Variants in CFAP90 observed in about 807,000 individuals in gnomAD.
CFAP90 encodes the protein cilia- and flagella-associated protein 90.
At chr5:7,835,512 G>C in the CFAP90 span, 16 of 1,418,144 alleles carry the variant, frequency 1.1e-5, no homozygotes, top group Middle Eastern at 3.6e-4. Flanking sequence ...GGAAAAAAAA[G>C]AGAAAGAAAG....
the CFAP90 span, among the ~76,000 whole-genome samples, chr5:7,845,098 C>T: frequency 6.6e-6 from 1 of 152,260 alleles, no homozygotes; most frequent in African/African-American, 2.4e-5. Context: ...CCTTCTTCAC[C>T]TGCTGGCAGG....
the CFAP90 span, among the ~76,000 whole-genome samples, chr5:7,836,224 A>G: frequency 6.6e-6 from 1 of 152,200 alleles, no homozygotes; most frequent in Non-Finnish European, 1.5e-5. Context: ...CTAAGGTTAT[A>G]TATGTGTGTA....
chr5:7,846,367 C>A, the CFAP90 span, among the ~76,000 whole-genome samples: 1 of 152,188 alleles, frequency 6.6e-6, no homozygotes, highest in Non-Finnish European at 1.5e-5. Context: ...GATTTATAAA[C>A]AACAGATGCT....
the CFAP90 span, among the ~76,000 whole-genome samples, chr5:7,850,398 C>T: frequency 6.6e-6 from 1 of 151,854 alleles, no homozygotes; most frequent in African/African-American, 2.4e-5. Flanking sequence ...TCTAGGGCCC[C>T]TCTACTCTGT....
the CFAP90 span, among the ~76,000 whole-genome samples, chr5:7,844,977 G>A: frequency 2.0e-5 from 3 of 152,162 alleles, no homozygotes; most frequent in Non-Finnish European, 4.4e-5. Flanking sequence ...GAACTGCCTA[G>A]GACTGGGTAA....
At chr5:7,846,705 T>C in the CFAP90 span, among the ~76,000 whole-genome samples, 1 of 152,216 alleles carries the variant, frequency 6.6e-6, no homozygotes. Context: ...GTACTGTTTT[T>C]ACTACTCAGC....
chr5:7,833,495 A>G, the CFAP90 span, among the ~76,000 whole-genome samples: 1 of 96,686 alleles, frequency 1.0e-5, no homozygotes, highest in African/African-American at 3.5e-5. Context: ...TATATAATAG[A>G]TACATACACA....
chr5:7,836,351 C>T, the CFAP90 span, among the ~76,000 whole-genome samples: 34 of 152,262 alleles, frequency 2.2e-4, no homozygotes, highest in African/African-American at 7.9e-4. Flanking sequence ...AGGAGTCATC[C>T]TTTAAGTCGC....
chr5:7,845,077 G>A, the CFAP90 span, among the ~76,000 whole-genome samples: 4 of 152,174 alleles, frequency 2.6e-5, no homozygotes, highest in Non-Finnish European at 5.9e-5. Flanking sequence ...AAAGCAAAGG[G>A]GAAGCAAAGA....
the CFAP90 span, among the ~76,000 whole-genome samples, chr5:7,848,937 A>G: frequency 4.6e-5 from 7 of 152,142 alleles, no homozygotes; most frequent in African/African-American, 1.7e-4. Flanking sequence ...TCTTTCCTTT[A>G]TAAATTACCG....
At chr5:7,836,143 A>G in the CFAP90 span, among the ~76,000 whole-genome samples, 1 of 152,178 alleles carries the variant, frequency 6.6e-6, no homozygotes, top group East Asian at 1.9e-4. Flanking sequence ...CAATACCACC[A>G]CATGGGGGTG....
chr5:7,835,208 T>C, the CFAP90 span, among the ~76,000 whole-genome samples: 1 of 152,208 alleles, frequency 6.6e-6, no homozygotes, highest in Non-Finnish European at 1.5e-5. Context: ...GCACACGCTG[T>C]TGGAAAAATG....
chr5:7,846,833 A>G, the CFAP90 span, among the ~76,000 whole-genome samples: 1 of 152,226 alleles, frequency 6.6e-6, no homozygotes, highest in African/African-American at 2.4e-5. Flanking sequence ...TGCAACTTCA[A>G]TCTCCTGGGC....
chr5:7,831,231 G>C, the CFAP90 span: 2 of 152,244 alleles, frequency 1.3e-5, no homozygotes, highest in Non-Finnish European at 2.9e-5. Flanking sequence ...GGCCACCAGG[G>C]CCACCCATCC....
the CFAP90 span, among the ~76,000 whole-genome samples, chr5:7,834,869 G>A: frequency 7.9e-5 from 12 of 152,068 alleles, no homozygotes; most frequent in African/African-American, 2.7e-4. Flanking sequence ...TGTACACTCA[G>A]TGACAAGATC....
At chr5:7,844,565 A>C in the CFAP90 span, among the ~76,000 whole-genome samples, 1 of 152,236 alleles carries the variant, frequency 6.6e-6, no homozygotes, top group African/African-American at 2.4e-5. Context: ...ATAACTAAGG[A>C]AAATACTTAG....
the CFAP90 span, chr5:7,831,816 G>A: frequency 8.2e-6 from 13 of 1,588,726 alleles, no homozygotes; most frequent in African/African-American, 1.3e-5. Context: ...AGGCCACAGG[G>A]TATCGGACAT....
At chr5:7,831,130 C>T in the CFAP90 span, 1 of 152,190 alleles carries the variant, frequency 6.6e-6, no homozygotes, top group African/African-American at 2.4e-5. Flanking sequence ...AATGCAGCAA[C>T]CAGAATTTTA....
chr5:7,839,271 C>T, the CFAP90 span, among the ~76,000 whole-genome samples: 14 of 152,256 alleles, frequency 9.2e-5, no homozygotes, highest in African/African-American at 2.6e-4. Flanking sequence ...ATTTGGGTGG[C>T]GACACAGCCA....
Sources: gnomAD v4.1 joint callset for allele counts (sites outside exome capture counted in the v4.1 genomes callset) on GRCh38, gnomAD v4.1.1 for gene constraint, MANE v1.5 for transcripts, NCBI Gene and HGNC (gene_info 2026-07-23, HGNC 2026-07-21) for gene names.